FBXO36: variants seen among roughly 807,000 people sequenced by gnomAD.
FBXO36 encodes F-box protein 36.
In FBXO36, 18 loss-of-function variants were observed where a neutral mutation model predicts 17.0. That is an observed-to-expected ratio of 1.06 (90% CI 0.73 to 1.57). The LOEUF (loss-of-function observed/expected upper bound fraction) is 1.57. Among genes scored for constraint, FBXO36 ranks in the 40% most tolerant of loss-of-function variants. FBXO36 has a pLI of 0.00. For missense variants in FBXO36, 229 were observed against 221.9 expected (o/e 1.03, Z -0.20); for synonymous variants, 83 against 85.3 (o/e 0.97, Z 0.15).
At chr2:229,955,646 C>T (rs1161252556) in intron 1 of FBXO36, among the ~76,000 whole-genome samples, 1 of 152,126 alleles carries the variant, frequency 6.6e-6, no homozygotes. Flanking sequence ...TAAAACAATG[C>T]CCTCTGTGTT....
intron 1 of FBXO36, chr2:229,939,322 G>A (rs974355908): frequency 4.3e-6 from 4 of 924,714 alleles, no homozygotes; most frequent in South Asian, 5.0e-5. Flanking sequence ...CATTTTTATC[G>A]TGGTAAGGTC....
chr2:229,991,247 T>C (rs1308566641), intron 2 of FBXO36, among the ~76,000 whole-genome samples: 1 of 152,164 alleles, frequency 6.6e-6, no homozygotes, highest in Non-Finnish European at 1.5e-5. Context: ...AATATCTTCT[T>C]TGACTCCTTA....
intron 3 of FBXO36, among the ~76,000 whole-genome samples, chr2:230,009,456 C>A (rs2106220255): frequency 6.6e-6 from 1 of 152,302 alleles, no homozygotes; most frequent in African/African-American, 2.4e-5. Flanking sequence ...TGGTTTCATT[C>A]TTTTTTTATG....
chr2:229,945,885 G>A (rs2077024408), intron 1 of FBXO36, among the ~76,000 whole-genome samples: 1 of 151,992 alleles, frequency 6.6e-6, no homozygotes, highest in Non-Finnish European at 1.5e-5. Context: ...AGCCAGGCAT[G>A]TTGGCGCATG....
intron 1 of FBXO36, among the ~76,000 whole-genome samples, chr2:229,965,032 T>A (rs2077143835): frequency 6.6e-6 from 1 of 152,204 alleles, no homozygotes; most frequent in Non-Finnish European, 1.5e-5. Flanking sequence ...TTTCTTTGAT[T>A]GTTTCTGGAT....
chr2:229,942,246 C>T (rs571097566), intron 1 of FBXO36, among the ~76,000 whole-genome samples: 17 of 152,176 alleles, frequency 1.1e-4, no homozygotes, highest in Non-Finnish European at 1.9e-4. Context: ...TTCCCCCACG[C>T]ACCACAACCC....
At chr2:229,936,576 A>C (rs1338011030) in intron 1 of FBXO36, among the ~76,000 whole-genome samples, 1 of 152,196 alleles carries the variant, frequency 6.6e-6, no homozygotes, top group East Asian at 1.9e-4. Flanking sequence ...TGTGATAAAA[A>C]GAAAACTTCA....
intron 3 of FBXO36, among the ~76,000 whole-genome samples, chr2:230,002,808 T>C (rs1241176894): frequency 6.6e-6 from 1 of 152,232 alleles, no homozygotes. Flanking sequence ...TTAGTGACTT[T>C]ATAACCCATG....
intron 3 of FBXO36, 59 bp from the exon 4 acceptor site, chr2:230,010,637 T>G (rs1577369161): frequency 6.8e-7 from 1 of 1,464,440 alleles, no homozygotes; most frequent in Non-Finnish European, 9.2e-7. Context: ...GCAGCAAGAG[T>G]TTGATAATGA....
intron 3 of FBXO36, among the ~76,000 whole-genome samples, chr2:230,008,090 T>C (rs989158657): frequency 2.0e-5 from 3 of 152,154 alleles, no homozygotes; most frequent in Non-Finnish European, 4.4e-5. Context: ...CAGGGGACTC[T>C]AGAAGGCTGG....
intron 1 of FBXO36, among the ~76,000 whole-genome samples, chr2:229,929,887 C>G (rs138934262): frequency 6.6e-6 from 1 of 152,246 alleles, no homozygotes; most frequent in East Asian, 1.9e-4. Context: ...TTGCAGACTT[C>G]TAAGCTATCA....
rs186330598 is a variant in FBXO36, at chr2:229,946,110, G to A, written c.96+23501G>A. ...GAACTTTGCATTGCGGCCCCAGGGG[G>A]TTGTGGTGGAGGGAAGGAAGCGGAA... is the stretch of plus-strand genomic sequence containing the variant. On this transcript the variant is annotated intron_variant, in intron 1 of 3. Coordinates refer to ENST00000283946, the MANE Select transcript of FBXO36 (RefSeq NM_174899.5). Among the ~76,000 whole-genome samples the A allele has an allele frequency of 4.1e-4, 62 of 152,224 alleles. 2 individuals are homozygous for A. In the South Asian group the frequency reaches 0.011, roughly 27 times the overall value.
chr2:229,983,560 G>A (rs1301084459), intron 2 of FBXO36, among the ~76,000 whole-genome samples: 2 of 152,078 alleles, frequency 1.3e-5, no homozygotes, highest in Admixed American at 1.3e-4. Context: ...ACCTGCCTTG[G>A]CATCCCAAAG....
chr2:229,945,020 A>G (rs920011873), intron 1 of FBXO36: 1 of 152,242 alleles, frequency 6.6e-6, no homozygotes, highest in South Asian at 2.1e-4. Context: ...AGATCTTTGG[A>G]TTTTGTAAAG....
chr2:229,996,732 T>C lies in FBXO36; in HGVS notation c.206-19T>C. On this transcript the variant is annotated intron_variant, in intron 2 of 3. Coordinates refer to ENST00000283946, the MANE Select transcript of FBXO36 (RefSeq NM_174899.5). ...ATGTGACTGTATATGATAACCATGT[T>C]GGCTTCTTTGAATTACAGGTCAAAC... 1 of 1,598,644 alleles carries C rather than the reference T, an allele frequency of 6.3e-7. No individual in the cohort carries two copies. Among genetic ancestry groups the C allele is most frequent in the Non-Finnish European group, 8.5e-7 (1 of 1,173,176 alleles).
At chr2:229,998,992 C>G (rs955396773) in intron 3 of FBXO36, among the ~76,000 whole-genome samples, 2 of 151,496 alleles carry the variant, frequency 1.3e-5, no homozygotes, top group African/African-American at 4.8e-5. Context: ...TTAGTAGAGA[C>G]GGGGTTTCAC....
intron 1 of FBXO36, among the ~76,000 whole-genome samples, chr2:229,971,568 A>T (rs1009546907): frequency 6.6e-6 from 1 of 152,126 alleles, no homozygotes; most frequent in Non-Finnish European, 1.5e-5. Context: ...TACTCTGAGC[A>T]CAAGCTATGT....
intron 1 of FBXO36, among the ~76,000 whole-genome samples, chr2:229,946,423 A>C (rs908245626): frequency 1.3e-5 from 2 of 152,236 alleles, no homozygotes; most frequent in African/African-American, 2.4e-5. Flanking sequence ...ATCTCTGCCA[A>C]GAATCCCCTT....
At chr2:230,008,197 C>T (rs953570749) in intron 3 of FBXO36, among the ~76,000 whole-genome samples, 3 of 152,160 alleles carry the variant, frequency 2.0e-5, no homozygotes, top group Non-Finnish European at 1.5e-5. Context: ...TTCTGTTCTT[C>T]GCTCAGCCAC....
Sources: allele counts gnomAD v4.1 joint callset (sites outside exome capture counted in the v4.1 genomes callset), GRCh38; gene constraint gnomAD v4.1.1; transcripts MANE v1.5; gene names NCBI Gene and HGNC (gene_info 2026-07-23, HGNC 2026-07-21).